The following ADGRL2 variants were observed in gnomAD, a reference collection of about 807,000 sequenced individuals.
ADGRL2 encodes the protein calcium-independent alpha-latrotoxin receptor 2.
Under a neutral mutation model 157.4 loss-of-function variants are expected in ADGRL2, and 44 were observed. The ratio of observed to expected loss-of-function variants is 0.28; its 90% CI spans 0.22 to 0.36. ADGRL2 has a LOEUF of 0.36. ADGRL2 is among the 10% of genes least tolerant of loss of function. The probability of loss-of-function intolerance (pLI) is 1.00; values close to 1 mark genes in which losing one functional copy is unlikely to be tolerated. For missense variants in ADGRL2, 1,510 were observed against 1,768.9 expected (o/e 0.85, Z 2.63); for synonymous variants, 585 against 624.7 (o/e 0.94, Z 0.95).
chr1:81,782,344 A>C (rs1228676895), intron 2 of ADGRL2, among the ~76,000 whole-genome samples: 1 of 152,190 alleles, frequency 6.6e-6, no homozygotes, highest in Non-Finnish European at 1.5e-5. Flanking sequence ...CAAATAACCT[A>C]AGAAGTCAAT....
intron 2 of ADGRL2, among the ~76,000 whole-genome samples, chr1:81,783,798 TA>T (rs2086914984): frequency 6.6e-6 from 1 of 152,198 alleles, no homozygotes; most frequent in Non-Finnish European, 1.5e-5. Flanking sequence ...TAGGTATTTA[TA>T]TAACAGCATT....
At chr1:81,592,284 T>G (rs369975198) in intron 3 of ADGRL2, among the ~76,000 whole-genome samples, 3 of 152,342 alleles carry the variant, frequency 2.0e-5, no homozygotes, top group Middle Eastern at 6.8e-3. Context: ...TGTTTTAGGC[T>G]TTGAGATCAT....
intron 2 of ADGRL2, among the ~76,000 whole-genome samples, chr1:81,537,673 T>C (rs1226516282): frequency 6.6e-6 from 1 of 151,932 alleles, no homozygotes; most frequent in African/African-American, 2.4e-5. Flanking sequence ...GCTAGGCCTG[T>C]CTTCTTTTTC....
At chr1:81,518,478 A>C (rs2079234487) in intron 2 of ADGRL2, among the ~76,000 whole-genome samples, 2 of 152,164 alleles carry the variant, frequency 1.3e-5, no homozygotes, top group Non-Finnish European at 2.9e-5. Context: ...AGAAATGGGA[A>C]TTGTTGGCTA....
chr1:81,678,042 C>T (rs941842483), intron 3 of ADGRL2, among the ~76,000 whole-genome samples: 1 of 152,126 alleles, frequency 6.6e-6, no homozygotes, highest in East Asian at 1.9e-4. Flanking sequence ...AACAACTATT[C>T]ATCTTTAAGA....
chr1:81,770,918 T>G (rs2149345466), intron 2 of ADGRL2, among the ~76,000 whole-genome samples: 1 of 152,258 alleles, frequency 6.6e-6, no homozygotes, highest in Admixed American at 6.5e-5. Context: ...GAAGTACAAT[T>G]AATTTTTATA....
intron 2 of ADGRL2, among the ~76,000 whole-genome samples, chr1:81,894,558 AAG>A (rs1168062153): frequency 6.6e-6 from 1 of 152,176 alleles, no homozygotes. Context: ...GTTATTAAAA[AAG>A]AGTCATCTGT....
In ADGRL2 at chr1:81,787,787, G is replaced by T. The variant is rs1372252291; in HGVS notation, c.-101+25935G>T. On this transcript the variant is annotated intron_variant, in intron 2 of 20. Coordinates refer to the ADGRL2 transcript ENST00000359929. ...ACTAAGTCAATCAGTACAAATAAAGGGGCAATATAATTTCAATATGACCTA... is the reference window on the plus strand; with the variant it reads ...ACTAAGTCAATCAGTACAAATAAAGTGGCAATATAATTTCAATATGACCTA... Among the ~76,000 whole-genome samples, 3 of 152,024 alleles carry T rather than the reference G, an allele frequency of 2.0e-5. No homozygotes were observed. In the South Asian group the frequency reaches 6.2e-4, roughly 32 times the overall value.
rs1204445903 is a variant in ADGRL2, at chr1:81,836,755, C to G, written c.-100-130C>G. 5.0e-6 allele frequency: 2 copies of G among 398,592 alleles called. 1 individual carries two copies. The highest frequency in any genetic ancestry group is 8.9e-6 in the Non-Finnish European group (2 of 224,826). The allele number at this position is 398,592 out of a possible 1,614,324, so 24.7% of individuals were successfully genotyped here. On this transcript the variant is annotated intron_variant, in intron 1 of 23. Coordinates refer to ENST00000686636, the MANE Select transcript of ADGRL2 (RefSeq NM_001366006.2). ...GATTCAGATATCCAGTGTATAGGAG[C>G]AGCTTCCATAGTGGACATAGAATCA...
At chr1:81,886,819 C>T (rs1484532094) in intron 2 of ADGRL2, among the ~76,000 whole-genome samples, 1 of 152,038 alleles carries the variant, frequency 6.6e-6, no homozygotes, top group Non-Finnish European at 1.5e-5. Flanking sequence ...ATAGTGTCTG[C>T]TTAGCTCGTT....
chr1:81,351,250 C>T (rs1224135554), intron 1 of ADGRL2, among the ~76,000 whole-genome samples: 1 of 150,838 alleles, frequency 6.6e-6, no homozygotes, highest in South Asian at 2.1e-4. Flanking sequence ...TTTTTTTTAA[C>T]CCTCTCTTTT....
chr1:81,358,105 G>C (rs564629279), intron 1 of ADGRL2, among the ~76,000 whole-genome samples: 268 of 147,310 alleles, frequency 1.8e-3, no homozygotes, highest in African/African-American at 6.6e-3. Context: ...CAAGCCCCCA[G>C]CGTGAAAATT....
chr1:81,427,203 G>A, intron 1 of ADGRL2: 1 of 822,056 alleles, frequency 1.2e-6, no homozygotes, highest in East Asian at 2.4e-5. Context: ...GGCCATGGTG[G>A]CAACTTTGGT....
At chr1:81,366,990 A>G (rs1442731174) in intron 1 of ADGRL2, among the ~76,000 whole-genome samples, 1 of 152,160 alleles carries the variant, frequency 6.6e-6, no homozygotes, top group Non-Finnish European at 1.5e-5. Context: ...TTAACAATTT[A>G]TGAATTCTAG....
intron 1 of ADGRL2, among the ~76,000 whole-genome samples, chr1:81,361,557 G>A (rs2075978882): frequency 6.6e-6 from 1 of 151,764 alleles, no homozygotes; most frequent in African/African-American, 2.4e-5. Flanking sequence ...GTATCACAAA[G>A]GACACTCAAC....
At position 81,503,165 on chromosome 1, in the gene ADGRL2, T is replaced by C; in HGVS notation, c.-248+58076T>C. On this transcript the variant is annotated intron_variant, in intron 2 of 24. Coordinates refer to the ADGRL2 transcript ENST00000370721. ...GCCTTCCAGCGCAACTTTTTCAGCATGGCACGGCAGCTCCCCATGAAGATC... is the reference window on the plus strand; with the variant it reads ...GCCTTCCAGCGCAACTTTTTCAGCACGGCACGGCAGCTCCCCATGAAGATC... 4 of 1,614,172 alleles carry C rather than the reference T, an allele frequency of 2.5e-6. No homozygotes were observed. The South Asian group carries it at 4.4e-5, about 18-fold the overall frequency.
In ADGRL2 at chr1:81,658,514, C is replaced by A. The variant is rs189806893; in HGVS notation, c.-143+77534C>A. Reference sequence around the variant, plus strand: ...CTGGGCTTTAGGCATACCCATCACCCAAATAGTGTACATTGTGCCCAATTG... The same window carrying A: ...CTGGGCTTTAGGCATACCCATCACCAAAATAGTGTACATTGTGCCCAATTG... On this transcript the variant is annotated intron_variant, in intron 3 of 24. Coordinates refer to the ADGRL2 transcript ENST00000370721. 7.1e-3 allele frequency among the ~76,000 whole-genome samples: 1,087 copies of A among 152,250 alleles called. 22 individuals are homozygous for A. Among genetic ancestry groups the A allele is most frequent in the African/African-American group, 0.025 (1,047 of 41,546 alleles).
intron 2 of ADGRL2, among the ~76,000 whole-genome samples, chr1:81,906,712 C>G (rs17469348): frequency 0.16 from 24,991 of 151,736 alleles, 2,510 homozygotes; most frequent in Middle Eastern, 0.31. Context: ...AACTTGTCAC[C>G]GTTTATAAAA....
chr1:81,941,785 A>G (rs1648086602), intron 4 of ADGRL2, among the ~76,000 whole-genome samples: 1 of 151,750 alleles, frequency 6.6e-6, no homozygotes, highest in Non-Finnish European at 1.5e-5. Flanking sequence ...ACATGCCAAC[A>G]TATTTGTATT....
Sources: gnomAD v4.1 joint callset for allele counts (sites outside exome capture counted in the v4.1 genomes callset) on GRCh38, gnomAD v4.1.1 for gene constraint, MANE v1.5 for transcripts, NCBI Gene and HGNC (gene_info 2026-07-23, HGNC 2026-07-21) for gene names.